IGF1R: variants seen among roughly 807,000 people sequenced by gnomAD.
The protein encoded by IGF1R is insulin like growth factor 1 receptor.
A neutral mutation model predicts 144.6 loss-of-function variants in IGF1R; 44 were observed. That is an observed-to-expected ratio of 0.30 (90% CI 0.24 to 0.39). The LOEUF is 0.39. Ranked by LOEUF, IGF1R falls within the 10% of genes least tolerant of loss-of-function variation. The pLI, the probability that IGF1R is intolerant of heterozygous loss-of-function variation, is 1.00. For synonymous variants in IGF1R, 795 were observed against 722.8 expected, an observed-to-expected ratio of 1.10 and a Z score of -1.60; for missense variants, 1,355 against 1,833.7, an observed-to-expected ratio of 0.74 and a Z score of 4.77.
intron 2 of IGF1R, among the ~76,000 whole-genome samples, chr15:98,792,590 TG>T (rs1244465171): frequency 6.6e-6 from 1 of 152,234 alleles, no homozygotes; most frequent in Non-Finnish European, 1.5e-5. Context: ...AAGATGATTA[TG>T]GCTGGCCCAA....
intron 6 of IGF1R, 119 bp from the exon 7 acceptor site, chr15:98,911,196 A>C: frequency 8.8e-7 from 1 of 1,137,290 alleles, no homozygotes; most frequent in South Asian, 1.3e-5. Context: ...GAGGAAGCCC[A>C]GAAGGGAACT....
rs545679248 is a variant in IGF1R at position 98,960,566 on chromosome 15, G to T, written c.*3124G>T. ...CTGTGCGAATCCCCAGGGTAAAGGC[G>T]TGGGGCATTGGGTTTGCTCCCCTTG... On this transcript the variant is annotated 3_prime_UTR_variant, in exon 21 of 21. Transcript: ENST00000650285. 1.6e-4 allele frequency: 37 copies of T among 233,592 alleles called. No homozygotes were observed. The highest frequency in any genetic ancestry group is 7.5e-4 in the African/African-American group (34 of 45,490). 14.5% of individuals were successfully genotyped at this position (233,592 alleles called of 1,614,324 possible).
chr15:98,790,013 T>C (rs891282967), intron 2 of IGF1R, among the ~76,000 whole-genome samples: 1 of 152,206 alleles, frequency 6.6e-6, no homozygotes, highest in African/African-American at 2.4e-5. Flanking sequence ...CTATGTAGTT[T>C]GTGCTCTAGG....
At chr15:98,936,190 C>T (rs562068611) in intron 17 of IGF1R, among the ~76,000 whole-genome samples, 32 of 152,358 alleles carry the variant, frequency 2.1e-4, no homozygotes, top group African/African-American at 7.7e-4. Context: ...GAGTCAGTGT[C>T]CTGCTTACGC....
chr15:98,677,350 T>C (rs921727205), intron 1 of IGF1R, among the ~76,000 whole-genome samples: 1 of 152,230 alleles, frequency 6.6e-6, no homozygotes, highest in East Asian at 1.9e-4. Flanking sequence ...TATAATAGTC[T>C]TTCAGTTGAC....
At position 98,961,629 on chromosome 15, in the gene IGF1R, T is replaced by C. The variant is rs1232902348; in HGVS notation, c.*4187T>C. ...GCAGCTCACACTGCTTGAAGTCATA[T>C]GAACCACTGAGGCACATCATGGAAT... On this transcript the variant is annotated 3_prime_UTR_variant, in exon 21 of 21. Transcript: ENST00000650285. 10 of 233,674 alleles carry C rather than the reference T, an allele frequency of 4.3e-5. No individual in the cohort carries two copies. The East Asian group carries it at 5.4e-4, about 13-fold the overall frequency. 14.5% of individuals were successfully genotyped at this position (233,674 alleles called of 1,614,324 possible).
intron 1 of IGF1R, among the ~76,000 whole-genome samples, chr15:98,685,718 C>G (rs2053310408): frequency 6.6e-6 from 1 of 152,202 alleles, no homozygotes; most frequent in Admixed American, 6.5e-5. Context: ...GCAAGAACAC[C>G]AGCGTGCTTC....
chr15:98,891,813 A>G lies in IGF1R; in HGVS notation c.953+176A>G, dbSNP rs1010721687. 3.9e-4 allele frequency among the ~76,000 whole-genome samples: 59 copies of G among 152,260 alleles called. No individual in the cohort carries two copies. The highest frequency in any genetic ancestry group is 1.3e-3 in the African/African-American group (54 of 41,556). The stretch of plus-strand genomic sequence containing the variant: ...AATGTTTGGTGAGATTCTAGGAACA[A>G]TTGGCATGGCTTACCGCCCCCCTCA... On this transcript the variant is annotated intron_variant, in intron 3 of 20. Coordinates refer to ENST00000650285, the MANE Select transcript of IGF1R (RefSeq NM_000875.5). The surrounding 1 kb of genome is among the most constrained non-coding windows in gnomAD (Gnocchi z 4.7).
intron 11 of IGF1R, among the ~76,000 whole-genome samples, chr15:98,923,104 C>T (rs1285080000): frequency 6.6e-6 from 1 of 152,238 alleles, no homozygotes; most frequent in Admixed American, 6.5e-5. Context: ...TCGTCAGGCT[C>T]CCTGCCTCAG....
chr15:98,848,590 CT>C (rs2141551097), intron 2 of IGF1R, among the ~76,000 whole-genome samples: 1 of 152,338 alleles, frequency 6.6e-6, no homozygotes, highest in East Asian at 1.9e-4. Context: ...GGGCAGAATT[CT>C]TCCATGGCCA....
At chr15:98,776,402 T>C (rs1403710656) in intron 2 of IGF1R, among the ~76,000 whole-genome samples, 1 of 152,076 alleles carries the variant, frequency 6.6e-6, no homozygotes. Flanking sequence ...GCCAGACTGG[T>C]CTTGAACTCC....
At chr15:98,887,866 T>C (rs1023760147) in intron 2 of IGF1R, among the ~76,000 whole-genome samples, 6 of 152,214 alleles carry the variant, frequency 3.9e-5, no homozygotes, top group African/African-American at 1.4e-4. Context: ...CAGGTAACCT[T>C]TCTGATACGA....
At chr15:98,821,247 T>C (rs1310761063) in intron 2 of IGF1R, among the ~76,000 whole-genome samples, 1 of 152,118 alleles carries the variant, frequency 6.6e-6, no homozygotes, top group African/African-American at 2.4e-5. Flanking sequence ...CTTCCTCTGT[T>C]GATTTTTTAT....
chr15:98,896,610 C>A, intron 3 of IGF1R, 147 bp from the exon 4 acceptor site: 3 of 789,446 alleles, frequency 3.8e-6, no homozygotes, highest in Non-Finnish European at 4.1e-6. Context: ...GGGTGAGATA[C>A]CATGTGACCA....
At chr15:98,796,117 G>A (rs61753890) in intron 2 of IGF1R, among the ~76,000 whole-genome samples, 2,939 of 152,260 alleles carry the variant, frequency 0.019, 51 homozygotes, top group Middle Eastern at 0.037. Context: ...AGGCTTCTCC[G>A]TGGGAGCGAA....
intron 2 of IGF1R, among the ~76,000 whole-genome samples, chr15:98,782,675 T>C (rs190117585): frequency 8.5e-5 from 13 of 152,368 alleles, no homozygotes; most frequent in African/African-American, 2.4e-4. Context: ...TTTAGTTGTT[T>C]CCAGTTTTTT....
At chr15:98,850,343 G>A (rs1310256756) in intron 2 of IGF1R, among the ~76,000 whole-genome samples, 3 of 152,210 alleles carry the variant, frequency 2.0e-5, no homozygotes, top group African/African-American at 7.2e-5. Flanking sequence ...AGAGAGCAGA[G>A]AAGGACCCTG....
At chr15:98,910,366 A>G (rs530541826) in intron 6 of IGF1R, among the ~76,000 whole-genome samples, 1 of 152,326 alleles carries the variant, frequency 6.6e-6, no homozygotes, top group African/African-American at 2.4e-5. Context: ...TGAAAGCAAA[A>G]TCATGGTTTC....
chr15:98,696,579 C>T (rs568984151), intron 1 of IGF1R, among the ~76,000 whole-genome samples: 11 of 152,310 alleles, frequency 7.2e-5, no homozygotes, highest in African/African-American at 2.2e-4. Flanking sequence ...TTGTAGTTTA[C>T]GGCTTCTGAC....
Sources: gnomAD v4.1 joint callset for allele counts (sites outside exome capture counted in the v4.1 genomes callset) on GRCh38, gnomAD v4.1.1 for gene constraint, Gnocchi (gnomAD v3.1) non-coding constraint, MANE v1.5 for transcripts, NCBI Gene and HGNC (gene_info 2026-07-23, HGNC 2026-07-21) for gene names.